SNTB1: variants seen among roughly 807,000 people sequenced by gnomAD.
The protein encoded by SNTB1 is syntrophin beta 1, also known as beta-1-syntrophin.
Under a neutral mutation model 48.9 loss-of-function variants are expected in SNTB1, and 36 were observed. The ratio of observed to expected loss-of-function variants is 0.74; its 90% CI spans 0.56 to 0.97. The LOEUF (loss-of-function observed/expected upper bound fraction) is 0.97. Ranked by LOEUF, SNTB1 falls within the 50% of genes least tolerant of loss-of-function variation. SNTB1 has a pLI of 0.00. For synonymous variants in SNTB1, 299 were observed against 294.6 expected, an observed-to-expected ratio of 1.01 and a Z score of -0.15; for missense variants, 786 against 703.4, an observed-to-expected ratio of 1.12 and a Z score of -1.33.
chr8:120,787,647 C>T (rs1471755934), intron 1 of SNTB1, among the ~76,000 whole-genome samples: 3 of 151,968 alleles, frequency 2.0e-5, no homozygotes, highest in African/African-American at 4.8e-5. Flanking sequence ...AGCCTGAGGA[C>T]AAGGCTTTTG....
At chr8:120,653,835 C>A (rs1022457547) in intron 2 of SNTB1, among the ~76,000 whole-genome samples, 2 of 151,480 alleles carry the variant, frequency 1.3e-5, no homozygotes, top group African/African-American at 4.9e-5. Flanking sequence ...GTCAGGAGAT[C>A]GAGACCATCC....
intron 4 of SNTB1, among the ~76,000 whole-genome samples, chr8:120,572,576 G>T (rs1815874158): frequency 6.6e-6 from 1 of 152,098 alleles, no homozygotes; most frequent in East Asian, 1.9e-4. Flanking sequence ...GGGGGACAAG[G>T]ATACAACACA....
At chr8:120,706,752 TC>T (rs1818383197) in intron 1 of SNTB1, among the ~76,000 whole-genome samples, 1 of 152,294 alleles carries the variant, frequency 6.6e-6, no homozygotes, top group South Asian at 2.1e-4. Flanking sequence ...CTTACAGGTA[TC>T]TCTGGAAGAT....
intron 1 of SNTB1, among the ~76,000 whole-genome samples, chr8:120,772,314 C>T (rs1038503441): frequency 2.0e-5 from 3 of 151,380 alleles, no homozygotes; most frequent in African/African-American, 7.3e-5. Context: ...GGCGTGATCT[C>T]GGCTCACTGC....
At chr8:120,665,134 T>G (rs986477466) in intron 2 of SNTB1, among the ~76,000 whole-genome samples, 2 of 152,206 alleles carry the variant, frequency 1.3e-5, no homozygotes, top group Admixed American at 1.3e-4. Context: ...GCCTTTTTAG[T>G]ATAAATTTAG....
At chr8:120,599,112 C>T (rs545385826) in intron 3 of SNTB1, among the ~76,000 whole-genome samples, 1 of 152,156 alleles carries the variant, frequency 6.6e-6, no homozygotes, top group South Asian at 2.1e-4. Context: ...CTGTAGAAAA[C>T]AAGCCAGGCA....
At chr8:120,705,373 C>T (rs957883987) in intron 1 of SNTB1, among the ~76,000 whole-genome samples, 1 of 152,148 alleles carries the variant, frequency 6.6e-6, no homozygotes, top group African/African-American at 2.4e-5. Flanking sequence ...AGGTACACTA[C>T]AATTATTAGA....
At chr8:120,592,868 C>G (rs76274489) in intron 3 of SNTB1, among the ~76,000 whole-genome samples, 1 of 151,978 alleles carries the variant, frequency 6.6e-6, no homozygotes, top group African/African-American at 2.4e-5. Flanking sequence ...GTAACAGGGC[C>G]GGTGAATCTG....
intron 2 of SNTB1, among the ~76,000 whole-genome samples, chr8:120,664,587 T>C (rs1563845646): frequency 6.6e-6 from 1 of 152,208 alleles, no homozygotes; most frequent in Non-Finnish European, 1.5e-5. Flanking sequence ...GATTCATCCA[T>C]GTTGTAGCAT....
chr8:120,751,490 G>A (rs368000086), intron 1 of SNTB1, among the ~76,000 whole-genome samples: 1 of 151,806 alleles, frequency 6.6e-6, no homozygotes, highest in South Asian at 2.1e-4. Context: ...TTTTGTGCAA[G>A]AAATCTGTCC....
chr8:120,718,728 C>G (rs1390416442), intron 1 of SNTB1, among the ~76,000 whole-genome samples: 1 of 151,922 alleles, frequency 6.6e-6, no homozygotes, highest in African/African-American at 2.4e-5. Context: ...GTAGGAGGTA[C>G]TTTGCTGCTA....
At chr8:120,801,955 G>A (rs1290051768) in intron 1 of SNTB1, among the ~76,000 whole-genome samples, 1 of 151,954 alleles carries the variant, frequency 6.6e-6, no homozygotes, top group Non-Finnish European at 1.5e-5. Flanking sequence ...CTGAGTGATG[G>A]GTCTATTTCT....
At chr8:120,619,968 T>A (rs1345584801) in intron 3 of SNTB1, among the ~76,000 whole-genome samples, 1 of 152,208 alleles carries the variant, frequency 6.6e-6, no homozygotes, top group East Asian at 1.9e-4. Context: ...AAGTTAGGGA[T>A]AAATTAAAGA....
At chr8:120,682,485 C>T (rs1047595172) in intron 2 of SNTB1, among the ~76,000 whole-genome samples, 2 of 152,180 alleles carry the variant, frequency 1.3e-5, no homozygotes, top group African/African-American at 4.8e-5. Context: ...ACTAATTCAA[C>T]CCAACCTCTC....
intron 1 of SNTB1, among the ~76,000 whole-genome samples, chr8:120,705,436 T>C (rs1346810175): frequency 6.6e-6 from 1 of 152,206 alleles, no homozygotes; most frequent in Non-Finnish European, 1.5e-5. Context: ...GGGGATTTGG[T>C]TAACTTCACT....
At chr8:120,649,702 G>T (rs1418173833) in intron 2 of SNTB1, among the ~76,000 whole-genome samples, 1 of 151,800 alleles carries the variant, frequency 6.6e-6, no homozygotes, top group Non-Finnish European at 1.5e-5. Context: ...CACCCAGTTC[G>T]AGCTTCCCGG....
At chr8:120,717,332 G>C (rs4871104) in intron 1 of SNTB1, among the ~76,000 whole-genome samples, 24,974 of 152,176 alleles carry the variant, frequency 0.16, 2,417 homozygotes, top group African/African-American at 0.26. Context: ...ATGGGCCGCT[G>C]TATATTAAGA....
intron 3 of SNTB1, among the ~76,000 whole-genome samples, chr8:120,621,201 C>A (rs1354053677): frequency 6.6e-6 from 1 of 152,046 alleles, no homozygotes; most frequent in Non-Finnish European, 1.5e-5. Context: ...CTCAGGTGAT[C>A]CACCCACCTT....
intron 1 of SNTB1, among the ~76,000 whole-genome samples, chr8:120,697,316 T>G (rs1343875651): frequency 6.6e-6 from 1 of 152,184 alleles, no homozygotes; most frequent in African/African-American, 2.4e-5. Flanking sequence ...TCCTTTTAAC[T>G]GGCCAATTGC....
Sources: gnomAD v4.1 joint callset for allele counts (sites outside exome capture counted in the v4.1 genomes callset) on GRCh38, gnomAD v4.1.1 for gene constraint, MANE v1.5 for transcripts, NCBI Gene and HGNC (gene_info 2026-07-23, HGNC 2026-07-21) for gene names.